Variants in AGTPBP1 observed in about 807,000 individuals in gnomAD.
AGTPBP1 encodes the protein ATP/GTP binding carboxypeptidase 1.
In AGTPBP1, 70 loss-of-function variants were observed where a neutral mutation model predicts 143.9. The observed-to-expected ratio is 0.49, with a 90% CI of 0.40 to 0.59. AGTPBP1 has a LOEUF of 0.59. AGTPBP1 is among the 20% of genes least tolerant of loss of function. The probability of loss-of-function intolerance (pLI) is 0.00; values close to 1 mark genes in which losing one functional copy is unlikely to be tolerated. For missense variants in AGTPBP1, 1,229 were observed against 1,464.5 expected, an observed-to-expected ratio of 0.84 and a Z score of 2.62; for synonymous variants, 463 against 500.2, an observed-to-expected ratio of 0.93 and a Z score of 0.99.
upstream of AGTPBP1, among the ~76,000 whole-genome samples, chr9:85,743,206 A>G (rs556216818): frequency 1.5e-4 from 23 of 152,352 alleles, 1 homozygote; most frequent in South Asian, 4.8e-3. Flanking sequence ...CTAAATATGT[A>G]TGTAATATAC....
upstream of AGTPBP1, among the ~76,000 whole-genome samples, chr9:85,742,251 G>C (rs1303375588): frequency 6.6e-6 from 1 of 152,082 alleles, no homozygotes; most frequent in Non-Finnish European, 1.5e-5. Context: ...CCCGGCCACC[G>C]CCCCTCCGTA....
At chr9:85,804,934 A>T in the AGTPBP1 span, among the ~76,000 whole-genome samples, 1 of 151,530 alleles carries the variant, frequency 6.6e-6, no homozygotes, top group African/African-American at 2.4e-5. Flanking sequence ...GCCCTTTTCC[A>T]CTCCAGGGAC....
At chr9:85,721,124 G>A (rs868847094) in intron 1 of AGTPBP1, among the ~76,000 whole-genome samples, 2 of 152,202 alleles carry the variant, frequency 1.3e-5, no homozygotes, top group African/African-American at 4.8e-5. Context: ...ATGAGGTGCT[G>A]AAAAGAATGT....
chr9:85,730,487 A>T (rs1223820896), intron 1 of AGTPBP1, among the ~76,000 whole-genome samples: 1 of 152,134 alleles, frequency 6.6e-6, no homozygotes, highest in Non-Finnish European at 1.5e-5. Context: ...CCACTCCTTC[A>T]ACAAGGATGG....
the AGTPBP1 span, chr9:85,764,697 G>A: frequency 9.5e-7 from 1 of 1,050,092 alleles, no homozygotes; most frequent in Non-Finnish European, 1.5e-6. Flanking sequence ...CTGGTGGGTT[G>A]TATCTTTTAG....
the AGTPBP1 span, among the ~76,000 whole-genome samples, chr9:85,778,364 T>A: frequency 6.6e-6 from 1 of 152,224 alleles, no homozygotes; most frequent in African/African-American, 2.4e-5. Flanking sequence ...CTGCAGAAGA[T>A]GGCGGGGCCT....
chr9:85,703,851 C>G (rs1836821042), intron 2 of AGTPBP1, among the ~76,000 whole-genome samples: 1 of 152,066 alleles, frequency 6.6e-6, no homozygotes, highest in African/African-American at 2.4e-5. Context: ...AGAGGTCCTA[C>G]AGAGGAAAAA....
At chr9:85,719,316 T>C (rs1477990883) in intron 1 of AGTPBP1, among the ~76,000 whole-genome samples, 1 of 152,220 alleles carries the variant, frequency 6.6e-6, no homozygotes, top group African/African-American at 2.4e-5. Flanking sequence ...TGTTCTTCCA[T>C]TTGTTTTTGT....
At chr9:85,649,554 T>G (rs543268342) in intron 11 of AGTPBP1, among the ~76,000 whole-genome samples, 4 of 152,194 alleles carry the variant, frequency 2.6e-5, no homozygotes, top group African/African-American at 4.8e-5. Context: ...TTTTAACGGT[T>G]AAGACCTTTC....
chr9:85,773,092 C>T, the AGTPBP1 span, among the ~76,000 whole-genome samples: 1 of 151,278 alleles, frequency 6.6e-6, no homozygotes, highest in African/African-American at 2.4e-5. Flanking sequence ...GGTGAAACCC[C>T]ATCTCTACTA....
intron 6 of AGTPBP1, among the ~76,000 whole-genome samples, chr9:85,673,859 G>A (rs533013449): frequency 1.8e-4 from 28 of 152,114 alleles, no homozygotes; most frequent in South Asian, 8.3e-4. Flanking sequence ...GGTGGCTCAC[G>A]CCTGTAATCC....
At chr9:85,753,376 T>G in the AGTPBP1 span, 1 of 1,613,446 alleles carries the variant, frequency 6.2e-7, no homozygotes, top group East Asian at 2.2e-5. Flanking sequence ...GCATGTAACT[T>G]GAAAAGGAGA....
At chr9:85,684,388 T>A (rs1835366796) in intron 3 of AGTPBP1, among the ~76,000 whole-genome samples, 2 of 152,200 alleles carry the variant, frequency 1.3e-5, no homozygotes, top group African/African-American at 4.8e-5. Context: ...CTTTCACCTA[T>A]GTTCTGAATT....
intron 14 of AGTPBP1, among the ~76,000 whole-genome samples, chr9:85,627,872 C>T (rs1249571863): frequency 6.6e-6 from 1 of 152,118 alleles, no homozygotes; most frequent in Non-Finnish European, 1.5e-5. Context: ...AAATAATGTA[C>T]AAAATAAGTG....
intron 25 of AGTPBP1, 79 bp downstream of exon 25, chr9:85,575,236 T>C (rs1203439690): frequency 8.0e-6 from 9 of 1,126,092 alleles, no homozygotes; most frequent in Middle Eastern, 3.1e-4. Flanking sequence ...CTGTCAAAAT[T>C]TCCATGCCTT....
In AGTPBP1 at chr9:85,642,922, T is replaced by C. The variant is rs751448645; in HGVS notation, c.1207A>G (p.Ile403Val). 5 of 1,612,778 alleles carry C rather than the reference T, an allele frequency of 3.1e-6. No individual in the cohort carries two copies. The highest frequency in any genetic ancestry group is 1.7e-5 in the Admixed American group (1 of 59,976). ...TCTTGCTGGGGTTTTAGTTTGTTAA[T>C]ATCTGTTTCAATATCATCATTCTGA... is the stretch of plus-strand genomic sequence containing the variant. ...NFKNDDIETD[I>V]NKLKPQQEPG... is the part of the protein sequence containing the mutation. The change falls in exon 13 of 26, where the codon ATT becomes GTT. Residue 403 changes from isoleucine (I) to valine (V), a missense_variant. Transcript: ENST00000357081.
rs138698485 is a variant in AGTPBP1, at chr9:85,657,036, G to C, written c.909+399C>G. Among the ~76,000 whole-genome samples the C allele has an allele frequency of 9.4e-3, 1,433 of 152,070 alleles. 20 individuals are homozygous for C. The highest frequency in any genetic ancestry group is 0.032 in the African/African-American group (1,341 of 41,454). ...CACACTCTGGGGACTGTTGTGGGGTGGGGGGAGAGGGGAGGGATAGCATTG... is the reference window on the plus strand; with the variant it reads ...CACACTCTGGGGACTGTTGTGGGGTCGGGGGAGAGGGGAGGGATAGCATTG... On this transcript the variant is annotated intron_variant, in intron 10 of 25. Coordinates refer to ENST00000357081, the MANE Select transcript of AGTPBP1 (RefSeq NM_001330701.2).
At chr9:85,796,713 C>T in the AGTPBP1 span, among the ~76,000 whole-genome samples, 2 of 152,162 alleles carry the variant, frequency 1.3e-5, no homozygotes, top group Non-Finnish European at 2.9e-5. Flanking sequence ...GTGATTATTA[C>T]ACATTGCATG....
At chr9:85,710,195 A>T (rs1168869029) in intron 2 of AGTPBP1, among the ~76,000 whole-genome samples, 1 of 151,950 alleles carries the variant, frequency 6.6e-6, no homozygotes, top group African/African-American at 2.4e-5. Context: ...TTCTACACTC[A>T]TTTTCTTCAA....
Sources: gnomAD v4.1 joint callset for allele counts (sites outside exome capture counted in the v4.1 genomes callset) on GRCh38, gnomAD v4.1.1 for gene constraint, MANE v1.5 for transcripts, NCBI Gene and HGNC (gene_info 2026-07-23, HGNC 2026-07-21) for gene names.